ICE1: variants seen among roughly 807,000 people sequenced by gnomAD.
The protein encoded by ICE1 is interactor of little elongation complex ELL subunit 1.
In ICE1, 64 loss-of-function variants were observed where a neutral mutation model predicts 192.7. That is an observed-to-expected ratio of 0.33 (90% confidence interval 0.27 to 0.41). ICE1 has a LOEUF of 0.41. ICE1 is among the 10% of genes least tolerant of loss of function. The probability of loss-of-function intolerance (pLI) is 1.00; values close to 1 mark genes in which losing one functional copy is unlikely to be tolerated. For missense variants in ICE1, 2,708 were observed against 2,696.0 expected (o/e 1.00, Z -0.10); for synonymous variants, 1,010 against 984.5 (o/e 1.03, Z -0.49).
At position 5,490,181 on chromosome 5, in the gene ICE1, G is replaced by A. The variant is rs565429983; in HGVS notation, c.*851G>A. 6.6e-6 allele frequency: 1 copy of A among 151,894 alleles called. No homozygotes were observed. Among genetic ancestry groups the A allele is most frequent in the East Asian group, 1.9e-4 (1 of 5,200 alleles). The allele number at this position is 151,894 out of a possible 1,614,324, so 9.4% of individuals were successfully genotyped here. On this transcript the variant is annotated 3_prime_UTR_variant, in exon 19 of 19. Coordinates refer to ENST00000296564, the MANE Select transcript of ICE1 (RefSeq NM_015325.3). ...ATATTCGTTATTTCTTAAAACTCTT[G>A]TATGTGTTTTTATAATAAAAAATAA...
intron 1 of ICE1, among the ~76,000 whole-genome samples, chr5:5,423,821 G>A (rs1737425338): frequency 6.6e-6 from 1 of 152,174 alleles, no homozygotes; most frequent in South Asian, 2.1e-4. Context: ...TCTGCCTAGT[G>A]TTCTAGGAAC....
At chr5:5,452,124 A>G (rs1363844841) in intron 10 of ICE1, among the ~76,000 whole-genome samples, 1 of 151,098 alleles carries the variant, frequency 6.6e-6, no homozygotes, top group Non-Finnish European at 1.5e-5. Context: ...TATAGTTATT[A>G]CTGTCAAAAA....
In ICE1 at chr5:5,463,760, A is replaced by T. The variant is rs1738881475; in HGVS notation, c.4426A>T (p.Thr1476Ser). The part of the protein sequence containing the change: ...SAEKSPEASH[T>S]GPAFQEAPCG... ...TGAGAAGTCCCCAGAGGCCAGTCAC[A>T]CTGGCCCTGCATTTCAGGAGGCTCC... Residue 1476 changes from threonine to serine, a missense_variant, in exon 13 of 19, where the codon ACT becomes TCT. Around this residue, in one of 2 missense-constraint regions of ICE1, gnomAD observed 2,366 missense variants for 2,276.6 expected, o/e 1.04. Coordinates refer to ENST00000296564, the MANE Select transcript of ICE1 (RefSeq NM_015325.3). 1.9e-6 allele frequency: 3 copies of T among 1,613,868 alleles called. No individual in the cohort carries two copies. Among genetic ancestry groups the T allele is most frequent in the Non-Finnish European group, 2.5e-6 (3 of 1,179,898 alleles).
At chr5:5,423,672 C>T (rs752722755) in intron 1 of ICE1, among the ~76,000 whole-genome samples, 13 of 152,298 alleles carry the variant, frequency 8.5e-5, no homozygotes, top group South Asian at 6.2e-4. Context: ...GGCTCCAGAT[C>T]TTATGGGGTG....
chr5:5,427,332 G>A (rs1037581984), intron 1 of ICE1, among the ~76,000 whole-genome samples: 8 of 152,292 alleles, frequency 5.3e-5, no homozygotes, highest in Non-Finnish European at 8.8e-5. Context: ...CCTCACTCTA[G>A]TCATATTATG....
intron 7 of ICE1, among the ~76,000 whole-genome samples, chr5:5,446,532 C>T (rs1331855488): frequency 6.6e-6 from 1 of 151,970 alleles, no homozygotes; most frequent in Non-Finnish European, 1.5e-5. Context: ...CTCAAGAAAC[C>T]TGCTCATCCT....
chr5:5,433,763 T>C (rs1737791436), intron 1 of ICE1, among the ~76,000 whole-genome samples: 1 of 152,116 alleles, frequency 6.6e-6, no homozygotes, highest in Non-Finnish European at 1.5e-5. Flanking sequence ...GTGGGACAGG[T>C]CATGATTTAA....
intron 4 of ICE1, among the ~76,000 whole-genome samples, chr5:5,440,806 G>A (rs1159219976): frequency 6.6e-6 from 1 of 151,916 alleles, no homozygotes; most frequent in Non-Finnish European, 1.5e-5. Context: ...AAGATCACTT[G>A]AGCCTGGGAG....
intron 4 of ICE1, among the ~76,000 whole-genome samples, chr5:5,440,426 G>A (rs949694930): frequency 2.6e-5 from 4 of 152,142 alleles, no homozygotes; most frequent in African/African-American, 4.8e-5. Context: ...TGGAACAGCC[G>A]GATTCTCAGC....
rs368819822 is a variant in ICE1 at position 5,476,023 on chromosome 5, A to G, written c.6464A>G (p.His2155Arg). Reference sequence around the variant, plus strand: ...AAATGGATAAAATACAGAAAAGGACATGCAAACATTGCGTATACTCCTGAT... The same window carrying G: ...AAATGGATAAAATACAGAAAAGGACGTGCAAACATTGCGTATACTCCTGAT... ...MDKWIKYRKGHANIAYTPDII... is the reference protein window; with the variant it reads ...MDKWIKYRKGRANIAYTPDII... The change falls in exon 17 of 19, where the codon CAT (histidine) becomes CGT (arginine). Residue 2155 changes from histidine to arginine, a missense_variant. Transcript: ENST00000296564. 96 of 1,612,422 alleles carry G rather than the reference A, an allele frequency of 6.0e-5. No homozygotes were observed. Among genetic ancestry groups the G allele is most frequent in the Middle Eastern group, 5.0e-4 (3 of 5,992 alleles).
At chr5:5,484,184 C>T (rs578125300) in intron 17 of ICE1, among the ~76,000 whole-genome samples, 16 of 152,266 alleles carry the variant, frequency 1.1e-4, no homozygotes, top group South Asian at 4.1e-4. Context: ...GTCAGGTCAT[C>T]GTATATTGAG....
intron 3 of ICE1, among the ~76,000 whole-genome samples, chr5:5,438,026 C>T (rs1737923159): frequency 2.0e-5 from 3 of 152,148 alleles, no homozygotes; most frequent in South Asian, 2.1e-4. Context: ...AAGGACTACC[C>T]GAGACTGGGT....
intron 1 of ICE1, among the ~76,000 whole-genome samples, chr5:5,432,165 GAA>G (rs1410868574): frequency 6.6e-6 from 1 of 152,098 alleles, no homozygotes; most frequent in Non-Finnish European, 1.5e-5. Context: ...CTTCCCCAAA[GAA>G]ACCCTATACT....
chr5:5,485,820 T>A (rs1739625041), intron 17 of ICE1, among the ~76,000 whole-genome samples: 1 of 152,252 alleles, frequency 6.6e-6, no homozygotes, highest in Non-Finnish European at 1.5e-5. Context: ...AAGCTCAGGA[T>A]AGCTGATGAA....
intron 4 of ICE1, 106 bp from the exon 5 acceptor site, chr5:5,441,006 C>CT (rs1033919195): frequency 1.1e-4 from 73 of 667,922 alleles, no homozygotes; most frequent in African/African-American, 1.8e-4. Flanking sequence ...CTTTTTCATC[C>CT]TTTTTTTTGT....
intron 15 of ICE1, among the ~76,000 whole-genome samples, chr5:5,473,062 A>C (rs1167451170): frequency 6.6e-6 from 1 of 152,244 alleles, no homozygotes; most frequent in African/African-American, 2.4e-5. Context: ...CTACTCTTTC[A>C]TGCAACACTA....
At chr5:5,485,241 A>T (rs562835689) in intron 17 of ICE1, among the ~76,000 whole-genome samples, 1 of 152,326 alleles carries the variant, frequency 6.6e-6, no homozygotes, top group East Asian at 1.9e-4. Flanking sequence ...TTATTCATTT[A>T]AAATGAACAG....
At chr5:5,474,006 C>A (rs773775245) in intron 16 of ICE1, among the ~76,000 whole-genome samples, 3 of 151,976 alleles carry the variant, frequency 2.0e-5, no homozygotes, top group African/African-American at 4.8e-5. Context: ...GTCAGGAGAT[C>A]GAGACCACCC....
Position 5,464,294 on chromosome 5 carries a change from A to T in ICE1, c.4960A>T (p.Ile1654Leu), listed in dbSNP as rs1235479780. Residue 1654 changes from isoleucine to leucine, a missense_variant, in exon 13 of 19, where the codon ATA becomes TTA. Physicochemically the swap from Ile to Leu is conservative, Grantham distance 5. Around this residue, in one of 2 missense-constraint regions of ICE1, gnomAD observed 2,366 missense variants for 2,276.6 expected, o/e 1.04. Coordinates refer to ENST00000296564, the MANE Select transcript of ICE1 (RefSeq NM_015325.3). This position sits in a 1 kb window ranked among gnomAD's most constrained non-coding sequence, Gnocchi z 4.0. Reference protein sequence around the residue: ...PRTSQPLSPLISSSSPSSPAS... With the variant: ...PRTSQPLSPLLSSSSPSSPAS... ...GACTTCACAGCCACTGTCTCCACTG[A>T]TATCGAGTTCTAGTCCTTCCTCACC... is the stretch of plus-strand genomic sequence containing the variant. The T allele has an allele frequency of 6.2e-7, 1 of 1,613,302 alleles. No individual in the cohort carries two copies. Among genetic ancestry groups the T allele is most frequent in the African/African-American group, 1.3e-5 (1 of 74,698 alleles).
Sources: gnomAD v4.1 joint callset for allele counts (sites outside exome capture counted in the v4.1 genomes callset) on GRCh38, gnomAD v4.1.1 for gene constraint, gnomAD v4.1.1 regional missense constraint, Gnocchi (gnomAD v3.1) non-coding constraint, MANE v1.5 for transcripts, NCBI Gene and HGNC (gene_info 2026-07-23, HGNC 2026-07-21) for gene names.